Variants in NAT8 observed in about 807,000 individuals in gnomAD.
NAT8 encodes N-acetyltransferase 8 (putative), also known as N-acetyltransferase 8.
For missense variants in NAT8, 357 were observed against 287.1 expected, an observed-to-expected ratio of 1.24 and a Z score of -1.76; for synonymous variants, 131 against 115.4, an observed-to-expected ratio of 1.14 and a Z score of -0.87.
chr2:73,641,589 G>A lies in NAT8; in HGVS notation c.40C>T (p.Arg14Cys), dbSNP rs754898246. 2.2e-5 allele frequency: 35 copies of A among 1,571,620 alleles called. No homozygotes were observed. Among genetic ancestry groups the A allele is most frequent in the Non-Finnish European group, 2.8e-5 (32 of 1,159,758 alleles). ...CHIRKYQESD[R>C]QWVVGLLSRG... Reference sequence around the variant, plus strand: ...GAGAGCAAGCCCACAACCCACTGGCGGTCGCTCTCCTGGTATTTGCGGATG... The same window carrying A: ...GAGAGCAAGCCCACAACCCACTGGCAGTCGCTCTCCTGGTATTTGCGGATG... The change falls in exon 2 of 2, where the codon CGC (arginine) becomes TGC (cysteine). Residue 14 changes from arginine (R) to cysteine (C), a missense_variant. Transcript: ENST00000272425.
In NAT8 at chr2:73,641,621, G is replaced by A; in HGVS notation, c.8C>T (p.Pro3Leu). 6.5e-7 allele frequency: 1 copy of A among 1,549,350 alleles called. No homozygotes were observed. The highest frequency in any genetic ancestry group is 8.7e-7 in the Non-Finnish European group (1 of 1,148,720). The change falls in exon 2 of 2, where the codon CCT becomes CTT. Residue 3 changes from proline to leucine, a missense_variant. Coordinates refer to ENST00000272425, the MANE Select transcript of NAT8 (RefSeq NM_003960.4). MA[P>L]CHIRKYQESD... ...CTCCTGGTATTTGCGGATGTGACAA[G>A]GAGCCATGGACAGACTTCTGTGTCT...
intron 1 of NAT8, among the ~76,000 whole-genome samples, 198 bp from the exon 2 acceptor site, chr2:73,641,900 T>C (rs1217535543): frequency 6.6e-6 from 1 of 152,154 alleles, no homozygotes; most frequent in African/African-American, 2.4e-5. Context: ...CTTAGGCATG[T>C]CACTTAACCT....
chr2:73,640,738 G>C lies in NAT8; in HGVS notation c.*207C>G. ...GGTTGTTCTTATGCAACATTATGCT[G>C]GCACTAGAAAAATGAAACAGATGGG... is the stretch of plus-strand genomic sequence containing the variant. On this transcript the variant is annotated 3_prime_UTR_variant, in exon 2 of 2. Transcript: ENST00000272425. 1.8e-6 allele frequency: 1 copy of C among 554,516 alleles called. No homozygotes were observed. The highest frequency in any genetic ancestry group is 3.1e-6 in the Non-Finnish European group (1 of 322,500). 34.3% of individuals were successfully genotyped at this position (554,516 alleles called of 1,614,324 possible). A position where few individuals can be genotyped will look rare whatever the true frequency, so the allele number is the denominator to read the frequency against.
chr2:73,641,562 G>A lies in NAT8; in HGVS notation c.67C>T (p.Arg23Trp), dbSNP rs555774069. Residue 23 changes from arginine (R) to tryptophan (W), a missense_variant, in exon 2 of 2, where the codon CGG (arginine) becomes TGG (tryptophan). By Grantham distance (101) the Arg-to-Trp change is moderately radical. Transcript: ENST00000272425. ...GCTGGGGCATGCTCGGCCATCCCCCGGGAGAGCAAGCCCACAACCCACTGG... is the reference window on the plus strand; with the variant it reads ...GCTGGGGCATGCTCGGCCATCCCCCAGGAGAGCAAGCCCACAACCCACTGG... ...DRQWVVGLLS[R>W]GMAEHAPATF... The A allele has an allele frequency of 7.9e-5, 127 of 1,601,540 alleles. No homozygotes were observed. The Middle Eastern group carries it at 1.7e-3, about 21-fold the overall frequency.
Position 73,641,481 on chromosome 2 carries a change from G to GC in NAT8, c.147dup (p.Pro50AlafsTer47), listed in dbSNP as rs745756582. The stretch of plus-strand genomic sequence containing the variant: ...CCAGAGACCAGGAGTAGGGCGAGGG[G>GC]CCCCCCAAGTAAGAGTATGAGGGTT... On this transcript the variant is annotated frameshift_variant, in exon 2 of 2. Transcript: ENST00000272425. LOFTEE classifies it low-confidence loss of function (END_TRUNC). 11 of 1,613,938 alleles carry GC rather than the reference G, an allele frequency of 6.8e-6. No homozygotes were observed. Among genetic ancestry groups the GC allele is most frequent in the Non-Finnish European group, 9.3e-6 (11 of 1,179,942 alleles).
At position 73,641,153 on chromosome 2, in the gene NAT8, C is replaced by G; in HGVS notation, c.476G>C (p.Arg159Thr). 6.2e-7 allele frequency: 1 copy of G among 1,614,098 alleles called. No homozygotes were observed. Among genetic ancestry groups the G allele is most frequent in the South Asian group, 1.1e-5 (1 of 91,082 alleles). ...GTCCCGGGCAAACTGGAGGACAGTC[C>G]TGACCAGGGCTTTTGCTATCCCCTG... is the stretch of plus-strand genomic sequence containing the variant. ...RRQGIAKALV[R>T]TVLQFARDQG... Residue 159 changes from arginine to threonine, a missense_variant, in exon 2 of 2, where the codon AGG becomes ACG. Physicochemically the swap from Arg to Thr is moderately conservative, Grantham distance 71. Coordinates refer to ENST00000272425, the MANE Select transcript of NAT8 (RefSeq NM_003960.4).
Position 73,641,145 on chromosome 2 carries a change from G to A in NAT8, c.484C>T (p.Leu162Phe). The change falls in exon 2 of 2, where the codon CTC (leucine) becomes TTC (phenylalanine). Residue 162 changes from leucine (L) to phenylalanine (F), a missense_variant. Physicochemically the swap from Leu to Phe is conservative, Grantham distance 22 (BLOSUM62 0). Coordinates refer to ENST00000272425, the MANE Select transcript of NAT8 (RefSeq NM_003960.4). ...GIAKALVRTV[L>F]QFARDQGYSE... ...TAGCCCTGGTCCCGGGCAAACTGGAGGACAGTCCTGACCAGGGCTTTTGCT... is the reference window on the plus strand; with the variant it reads ...TAGCCCTGGTCCCGGGCAAACTGGAAGACAGTCCTGACCAGGGCTTTTGCT... 1 of 1,614,098 alleles carries A rather than the reference G, an allele frequency of 6.2e-7. No individual in the cohort carries two copies. The highest frequency in any genetic ancestry group is 8.5e-7 in the Non-Finnish European group (1 of 1,180,022).
chr2:73,640,836 T>C lies in NAT8; in HGVS notation c.*109A>G. The C allele has an allele frequency of 8.2e-6, 10 of 1,213,512 alleles. No individual in the cohort carries two copies. The highest frequency in any genetic ancestry group is 5.1e-5 in the East Asian group (2 of 38,988). 75.2% of individuals were successfully genotyped at this position (1,213,512 alleles called of 1,614,324 possible). A position where few individuals can be genotyped will look rare whatever the true frequency, so the allele number is the denominator to read the frequency against. On this transcript the variant is annotated 3_prime_UTR_variant, in exon 2 of 2. Coordinates refer to ENST00000272425, the MANE Select transcript of NAT8 (RefSeq NM_003960.4). ...CAATCACATGGGACTCAGATGTGAA[T>C]GGACAATAAGCTTTTATTGCATTGA...
rs1676395087 is a variant in NAT8, at chr2:73,641,371, C to T, written c.258G>A (p.Val86=). The T allele has an allele frequency of 3.1e-6, 5 of 1,614,118 alleles. No homozygotes were observed. In the East Asian group the frequency reaches 1.1e-4, roughly 36 times the overall value. Residue 86 remains valine (V), a synonymous_variant, in exon 2 of 2, where the codon GTG becomes GTA. Transcript: ENST00000272425. ...ACATGTCTGTGCACAATGTCATGTC[C>T]ACATACTCCGTCCAGGGTTTTTTGG... ...FLAKKPWTEY[V]DMTLCTDMSD...
At position 73,641,650 on chromosome 2, in the gene NAT8, A is replaced by G; in HGVS notation, c.-22T>C. On this transcript the variant is annotated 5_prime_UTR_variant, in exon 2 of 2. Coordinates refer to ENST00000272425, the MANE Select transcript of NAT8 (RefSeq NM_003960.4). Reference sequence around the variant, plus strand: ...CCATGGACAGACTTCTGTGTCTGAAATCTCTAAGTCCAGGAGACAGAGCTA... The same window carrying G: ...CCATGGACAGACTTCTGTGTCTGAAGTCTCTAAGTCCAGGAGACAGAGCTA... The G allele has an allele frequency of 6.6e-7, 1 of 1,524,402 alleles. No homozygotes were observed. Among genetic ancestry groups the G allele is most frequent in the Middle Eastern group, 1.8e-4 (1 of 5,618 alleles). The allele number at this position is 1,524,402 out of a possible 1,614,324, so 94.4% of individuals were successfully genotyped here.
intron 1 of NAT8, 90 bp from the exon 2 acceptor site, chr2:73,641,792 C>A (rs1433123844): frequency 2.3e-6 from 2 of 875,738 alleles, no homozygotes; most frequent in Non-Finnish European, 3.2e-6. Flanking sequence ...TGTCTTTCCG[C>A]GTTTGCCCAT....
chr2:73,641,778 G>A (rs1676408504), intron 1 of NAT8, 76 bp from the exon 2 acceptor site: 2 of 1,018,056 alleles, frequency 2.0e-6, no homozygotes, highest in Admixed American at 3.2e-5. Context: ...CCTGCTCAAG[G>A]GTGTGTCTTT....
At position 73,640,928 on chromosome 2, in the gene NAT8, A is replaced by G. The variant is rs1209865335; in HGVS notation, c.*17T>C. 1.3e-6 allele frequency: 2 copies of G among 1,595,098 alleles called. No homozygotes were observed. The highest frequency in any genetic ancestry group is 1.7e-5 in the Admixed American group (1 of 57,954). ...AGCTGAATGGATTCTATTCTGACCA[A>G]TACACACAGAAAGAGATCACAGACT... On this transcript the variant is annotated 3_prime_UTR_variant, in exon 2 of 2. Transcript: ENST00000272425.
chr2:73,641,840 C>G (rs1421111108), intron 1 of NAT8, 138 bp from the exon 2 acceptor site: 3 of 546,762 alleles, frequency 5.5e-6, no homozygotes, highest in Non-Finnish European at 6.1e-6. Context: ...AAGGTAGGGT[C>G]AGAAAGACCT....
chr2:73,641,210 A>C lies in NAT8; in HGVS notation c.419T>G (p.Phe140Cys), dbSNP rs1315089099. The change falls in exon 2 of 2, where the codon TTT becomes TGT. Residue 140 changes from phenylalanine (F) to cysteine (C), a missense_variant. Physicochemically the swap from Phe to Cys is radical, Grantham distance 205 (BLOSUM62 -2). Transcript: ENST00000272425. ...GTGCTCACTGTCCACAAAGAGATGA[A>C]ACAGCTGCAACCGCTTCTCCCTCAA... ...PTLREKRLQL[F>C]HLFVDSEHRR... 4 of 1,614,078 alleles carry C rather than the reference A, an allele frequency of 2.5e-6. No homozygotes were observed. Among genetic ancestry groups the C allele is most frequent in the Non-Finnish European group, 3.4e-6 (4 of 1,180,024 alleles).
In NAT8 at chr2:73,641,497, T is replaced by G. The variant is rs977279263; in HGVS notation, c.132A>C (p.Ile44=). ...GGGCGAGGGGCCCCCCAAGTAAGAGTATGAGGGTTCGAGGCAGCTTCAGCA... is the reference window on the plus strand; with the variant it reads ...GGGCGAGGGGCCCCCCAAGTAAGAGGATGAGGGTTCGAGGCAGCTTCAGCA... The part of the protein sequence containing the change: ...RQLLKLPRTL[I]LLLGGPLALL... Residue 44 remains isoleucine, a synonymous_variant, in exon 2 of 2, where the codon ATA becomes ATC. Transcript: ENST00000272425. 1.9e-6 allele frequency: 3 copies of G among 1,613,100 alleles called. No individual in the cohort carries two copies. Among genetic ancestry groups the G allele is most frequent in the Non-Finnish European group, 2.5e-6 (3 of 1,179,744 alleles).
intron 1 of NAT8, 137 bp from the exon 2 acceptor site, chr2:73,641,839 T>A: frequency 1.8e-6 from 1 of 554,676 alleles, no homozygotes; most frequent in Admixed American, 3.7e-5. Context: ...GAAGGTAGGG[T>A]CAGAAAGACC....
At position 73,641,579 on chromosome 2, in the gene NAT8, A is replaced by G; in HGVS notation, c.50T>C (p.Val17Ala). ...RKYQESDRQW[V>A]VGLLSRGMAE... ...CATCCCCCGGGAGAGCAAGCCCACA[A>G]CCCACTGGCGGTCGCTCTCCTGGTA... The change falls in exon 2 of 2, where the codon GTT (valine) becomes GCT (alanine). Residue 17 changes from valine to alanine, a missense_variant. Physicochemically the swap from Val to Ala is moderately conservative, Grantham distance 64. Coordinates refer to ENST00000272425, the MANE Select transcript of NAT8 (RefSeq NM_003960.4). The G allele has an allele frequency of 6.3e-7, 1 of 1,583,032 alleles. No homozygotes were observed. Among genetic ancestry groups the G allele is most frequent in the East Asian group, 2.2e-5 (1 of 44,624 alleles).
chr2:73,641,498 A>G lies in NAT8; in HGVS notation c.131T>C (p.Ile44Thr). The stretch of plus-strand genomic sequence containing the variant: ...GGCGAGGGGCCCCCCAAGTAAGAGT[A>G]TGAGGGTTCGAGGCAGCTTCAGCAA... Reference protein sequence around the residue: ...RQLLKLPRTLILLLGGPLALL... With the variant: ...RQLLKLPRTLTLLLGGPLALL... Residue 44 changes from isoleucine to threonine, a missense_variant, in exon 2 of 2, where the codon ATA becomes ACA. Ile to Thr is a moderately conservative substitution (Grantham distance 89, BLOSUM62 -1). Transcript: ENST00000272425. 1.2e-6 allele frequency: 2 copies of G among 1,613,896 alleles called. No individual in the cohort carries two copies. Among genetic ancestry groups the G allele is most frequent in the Non-Finnish European group, 1.7e-6 (2 of 1,179,948 alleles).
Sources: gnomAD v4.1 joint callset for allele counts (sites outside exome capture counted in the v4.1 genomes callset) on GRCh38, gnomAD v4.1.1 for gene constraint, MANE v1.5 for transcripts, NCBI Gene and HGNC (gene_info 2026-07-23, HGNC 2026-07-21) for gene names.